PCDHA11: variants seen among roughly 807,000 people sequenced by gnomAD.
The protein encoded by PCDHA11 is protocadherin alpha 11.
PCDHA11 carries 61 observed loss-of-function variants against 70.3 expected under a neutral mutation model. That is an observed-to-expected ratio of 0.87 (90% CI 0.71 to 1.07). PCDHA11 has a LOEUF of 1.07. Ranked by LOEUF, PCDHA11 falls within the 50% of genes least tolerant of loss-of-function variation. The probability of loss-of-function intolerance (pLI) is 0.00; values close to 1 mark genes in which losing one functional copy is unlikely to be tolerated. For synonymous variants in PCDHA11, 633 were observed against 555.1 expected (o/e 1.14, Z -1.97); for missense variants, 1,324 against 1,237.5 (o/e 1.07, Z -1.05).
In PCDHA11 at chr5:140,920,855, A is replaced by C. The variant is rs537725798; in HGVS notation, c.2391+49361A>C. Among the ~76,000 whole-genome samples, 935 of 152,094 alleles carry C rather than the reference A, an allele frequency of 6.1e-3. 10 individuals are homozygous for C. Among genetic ancestry groups the C allele is most frequent in the Admixed American group, 0.012 (185 of 15,278 alleles). On this transcript the variant is annotated intron_variant, in intron 1 of 3. Coordinates refer to ENST00000398640, the MANE Select transcript of PCDHA11 (RefSeq NM_018902.5). ...AAGACCAAATCTAAAAAAAAAAAAAAAAACAAACAAACTGTGGCCCTTAGA... is the reference window on the plus strand; with the variant it reads ...AAGACCAAATCTAAAAAAAAAAAAACAAACAAACAAACTGTGGCCCTTAGA...
At chr5:140,875,028 G>A (rs1321534427) in intron 1 of PCDHA11, among the ~76,000 whole-genome samples, 1 of 152,198 alleles carries the variant, frequency 6.6e-6, no homozygotes, top group Admixed American at 6.5e-5. Flanking sequence ...CTGGCCTACT[G>A]TATTTGAAAG....
chr5:140,898,138 T>C (rs1294129650), intron 1 of PCDHA11, among the ~76,000 whole-genome samples: 1 of 152,208 alleles, frequency 6.6e-6, no homozygotes, highest in African/African-American at 2.4e-5. Flanking sequence ...ATTTTGTAGG[T>C]TGCCTGTTCA....
intron 1 of PCDHA11, among the ~76,000 whole-genome samples, chr5:140,920,583 C>T (rs1287573835): frequency 1.3e-5 from 2 of 152,106 alleles, no homozygotes; most frequent in African/African-American, 4.8e-5. Flanking sequence ...CAGTGGCTCA[C>T]GCCTGTAATC....
In PCDHA11 at chr5:140,967,001, A is replaced by T. The variant is rs1048933252; in HGVS notation, c.2392-11948A>T. The T allele has an allele frequency of 3.1e-6, 5 of 1,605,060 alleles. No homozygotes were observed. The South Asian group carries it at 5.5e-5, about 18-fold the overall frequency. The stretch of plus-strand genomic sequence containing the variant: ...GCGCTTGGGGCCGGGTTGCTTGCGC[A>T]TCAACCATCTGGGTGCGCCCAGTCC... On this transcript the variant is annotated intron_variant, in intron 1 of 3. Transcript: ENST00000398640.
intron 1 of PCDHA11, chr5:140,882,691 C>G (rs201544181): frequency 1.2e-6 from 2 of 1,614,216 alleles, no homozygotes; most frequent in Admixed American, 1.7e-5. Context: ...AACGAATAAT[C>G]ATTGCAGAAT....
intron 1 of PCDHA11, among the ~76,000 whole-genome samples, chr5:140,899,684 G>T (rs1554188704): frequency 6.6e-6 from 1 of 152,154 alleles, no homozygotes; most frequent in African/African-American, 2.4e-5. Context: ...TCAGGATGAT[G>T]CTGGCCTCAT....
intron 1 of PCDHA11, among the ~76,000 whole-genome samples, chr5:140,900,840 T>G (rs6874218): frequency 0.33 from 49,667 of 152,016 alleles, 8,381 homozygotes; most frequent in East Asian, 0.53. Flanking sequence ...ATGTACAAAG[T>G]TTCCCTTTTT....
At chr5:140,877,536 T>A (rs1402880820) in intron 1 of PCDHA11, 1 of 1,613,730 alleles carries the variant, frequency 6.2e-7, no homozygotes, top group Non-Finnish European at 8.5e-7. Flanking sequence ...GCGCTGTGGA[T>A]CCCGAAGCGG....
chr5:140,939,729 G>A (rs1376988004), intron 1 of PCDHA11, among the ~76,000 whole-genome samples: 16 of 152,166 alleles, frequency 1.1e-4, no homozygotes, highest in Admixed American at 1.0e-3. Context: ...ATTGTTGTGT[G>A]TAGCTGTGTA....
chr5:140,871,553 GT>G lies in PCDHA11; in HGVS notation c.2391+67del, dbSNP rs555355563. 1.1e-3 allele frequency: 1,577 copies of G among 1,491,202 alleles called. 1 individual carries two copies. The highest frequency in any genetic ancestry group is 2.7e-3 in the Middle Eastern group (15 of 5,580). 92.4% of individuals were successfully genotyped at this position (1,491,202 alleles called of 1,614,324 possible). On this transcript the variant is annotated intron_variant, in intron 1 of 3. Transcript: ENST00000398640. ...TGTATGTGAAATTATTTAAAATCCA[GT>G]TTTTTTTCACGGATTTTTTAAGGGA...
Position 140,875,636 on chromosome 5 carries a change from A to T in PCDHA11, c.2391+4142A>T, listed in dbSNP as rs574545388. On this transcript the variant is annotated intron_variant, in intron 1 of 3. Coordinates refer to ENST00000398640, the MANE Select transcript of PCDHA11 (RefSeq NM_018902.5). The stretch of plus-strand genomic sequence containing the variant: ...CGCATCGCTCAGGACCTGGGGCTGG[A>T]GCTGGCGGAGCTGGTGCCGCGCCTG... 6 of 1,613,488 alleles carry T rather than the reference A, an allele frequency of 3.7e-6. No individual in the cohort carries two copies. The Admixed American group carries it at 8.3e-5, about 22-fold the overall frequency.
intron 1 of PCDHA11, among the ~76,000 whole-genome samples, chr5:140,901,699 A>G (rs1373176124): frequency 6.6e-6 from 1 of 152,124 alleles, no homozygotes; most frequent in East Asian, 1.9e-4. Context: ...TTGTAGTTCT[A>G]TATACATTTT....
intron 1 of PCDHA11, among the ~76,000 whole-genome samples, chr5:140,915,245 C>T (rs1366061257): frequency 2.0e-5 from 3 of 152,088 alleles, no homozygotes; most frequent in Non-Finnish European, 4.4e-5. Flanking sequence ...CCATGCCTGG[C>T]CAGGTTGTTA....
At position 140,870,885 on chromosome 5, in the gene PCDHA11, C is replaced by T. The variant is rs782085408; in HGVS notation, c.1782C>T (p.Arg594=). The T allele has an allele frequency of 8.1e-6, 13 of 1,613,918 alleles. No homozygotes were observed. Among genetic ancestry groups the T allele is most frequent in the African/African-American group, 1.3e-5 (1 of 75,066 alleles). ...VGAGHVVAKV[R]AVDADSGYNA... is the part of the protein sequence containing the mutation. ...CGGGCCACGTGGTGGCGAAGGTGCGCGCAGTGGATGCGGACTCAGGCTACA... is the reference window on the plus strand; with the variant it reads ...CGGGCCACGTGGTGGCGAAGGTGCGTGCAGTGGATGCGGACTCAGGCTACA... The change falls in exon 1 of 4, where the codon CGC becomes CGT. Residue 594 remains arginine (R), a synonymous_variant. Transcript: ENST00000398640.
At chr5:140,892,721 T>A (rs1554185338) in intron 1 of PCDHA11, among the ~76,000 whole-genome samples, 1 of 152,226 alleles carries the variant, frequency 6.6e-6, no homozygotes, top group Admixed American at 6.5e-5. Flanking sequence ...ATTCATAATC[T>A]CAAACATTTA....
intron 2 of PCDHA11, chr5:140,982,255 G>A (rs1226877967): frequency 1.6e-5 from 13 of 791,614 alleles, no homozygotes; most frequent in South Asian, 1.3e-4. Context: ...GATAGAACAT[G>A]TGTGTTCCTG....
At chr5:140,997,697 T>C (rs2153948518) in intron 3 of PCDHA11, among the ~76,000 whole-genome samples, 1 of 151,394 alleles carries the variant, frequency 6.6e-6, no homozygotes. Flanking sequence ...TGTGTGTGTG[T>C]ATGTTAACAA....
intron 1 of PCDHA11, among the ~76,000 whole-genome samples, chr5:140,918,360 G>A (rs1243919537): frequency 1.3e-5 from 2 of 152,082 alleles, no homozygotes; most frequent in African/African-American, 4.8e-5. Flanking sequence ...CTTCCTCTCT[G>A]CCTATTTGGA....
chr5:140,919,097 C>T lies in PCDHA11; in HGVS notation c.2391+47603C>T, dbSNP rs531325561. Among the ~76,000 whole-genome samples the T allele has an allele frequency of 5.3e-5, 8 of 152,242 alleles. No homozygotes were observed. The South Asian group carries it at 1.7e-3, about 32-fold the overall frequency. ...TATGACTATTGAATTGTCTATTTCT[C>T]CCTTCATTTCTGCCAGTTTTTGCTT... On this transcript the variant is annotated intron_variant, in intron 1 of 3. Coordinates refer to ENST00000398640, the MANE Select transcript of PCDHA11 (RefSeq NM_018902.5).
Sources: gnomAD v4.1 joint callset for allele counts (sites outside exome capture counted in the v4.1 genomes callset) on GRCh38, gnomAD v4.1.1 for gene constraint, MANE v1.5 for transcripts, NCBI Gene and HGNC (gene_info 2026-07-23, HGNC 2026-07-21) for gene names.